Variants in BMP5 observed in about 807,000 individuals in gnomAD.
BMP5 encodes bone morphogenetic protein 5.
BMP5 carries 23 observed loss-of-function variants against 46.6 expected under a neutral mutation model. That is an observed-to-expected ratio of 0.49 (90% CI 0.35 to 0.70). BMP5 has a LOEUF of 0.70. BMP5 is among the 30% of genes least tolerant of loss of function. BMP5 has a pLI of 0.00. For synonymous variants in BMP5, 204 were observed against 191.9 expected, an observed-to-expected ratio of 1.06 and a Z score of -0.52; for missense variants, 545 against 565.6, an observed-to-expected ratio of 0.96 and a Z score of 0.37.
intron 4 of BMP5, among the ~76,000 whole-genome samples, chr6:55,770,441 G>C (rs147678163): frequency 2.6e-5 from 4 of 152,006 alleles, no homozygotes; most frequent in Non-Finnish European, 4.4e-5. Flanking sequence ...TCAGGGCTTT[G>C]CTCTGAATAA....
chr6:55,760,459 G>T lies in BMP5; in HGVS notation c.1102C>A (p.Gln368Lys). The T allele has an allele frequency of 6.2e-7, 1 of 1,612,798 alleles. No individual in the cohort carries two copies. Among genetic ancestry groups the T allele is most frequent in the Middle Eastern group, 1.6e-4 (1 of 6,062 alleles). The change falls in exon 5 of 7, where the codon CAG becomes AAG. Residue 368 changes from glutamine (Q) to lysine (K), a missense_variant and splice_region_variant. Physicochemically the swap from Gln to Lys is moderately conservative, Grantham distance 53 (BLOSUM62 1). Transcript: ENST00000370830. ...CAAAGTTGACTGAAAATTCCTACCT[G>T]CCATCCCAGATCCCGGAAGCTCACA... The part of the protein sequence containing the change: ...LYVSFRDLGW[Q>K]DWIIAPEGYA...
intron 2 of BMP5, among the ~76,000 whole-genome samples, chr6:55,814,128 T>C (rs2127536432): frequency 6.6e-6 from 1 of 152,236 alleles, no homozygotes; most frequent in East Asian, 1.9e-4. Context: ...TATTTTATTA[T>C]TACACTTCAA....
chr6:55,849,343 A>G (rs1278972271), intron 1 of BMP5, among the ~76,000 whole-genome samples: 1 of 152,076 alleles, frequency 6.6e-6, no homozygotes, highest in Non-Finnish European at 1.5e-5. Flanking sequence ...ACATGAACAT[A>G]CATATATGCA....
At chr6:55,843,199 G>T (rs977307818) in intron 1 of BMP5, among the ~76,000 whole-genome samples, 2 of 151,808 alleles carry the variant, frequency 1.3e-5, no homozygotes, top group South Asian at 2.1e-4. Flanking sequence ...CATAAGTTAG[G>T]ATATATATAT....
chr6:55,836,994 A>T (rs1045944046), intron 1 of BMP5, among the ~76,000 whole-genome samples: 1 of 152,160 alleles, frequency 6.6e-6, no homozygotes, highest in Non-Finnish European at 1.5e-5. Context: ...GCTTTTTGGT[A>T]TTGAAAGTAT....
chr6:55,774,332 G>A (rs1775120554), intron 3 of BMP5, 89 bp from the exon 4 acceptor site: 1 of 1,296,678 alleles, frequency 7.7e-7, no homozygotes, highest in South Asian at 1.2e-5. Flanking sequence ...TTGAAAAGGG[G>A]AAAAGTTTTA....
In BMP5 at chr6:55,874,350, G is replaced by A. The variant is rs749194177; in HGVS notation, c.490+26C>T. On this transcript the variant is annotated intron_variant, in intron 1 of 6. Transcript: ENST00000370830. ...AAAACTTCCACTTTGTAATAACATA[G>A]ATTAACAAACAAATGAACAACATAC... The A allele has an allele frequency of 9.9e-6, 16 of 1,612,292 alleles. No homozygotes were observed. In the Admixed American group the frequency reaches 2.3e-4, roughly 24 times the overall value.
At chr6:55,873,940 A>C (rs567434320) in intron 1 of BMP5, among the ~76,000 whole-genome samples, 5 of 151,758 alleles carry the variant, frequency 3.3e-5, no homozygotes, top group Admixed American at 1.3e-4. Flanking sequence ...TAGATGAGAG[A>C]TTTTTAAGTA....
chr6:55,811,512 CTTA>C (rs1776133531), intron 2 of BMP5, among the ~76,000 whole-genome samples: 1 of 152,138 alleles, frequency 6.6e-6, no homozygotes, highest in Admixed American at 6.5e-5. Context: ...GGATGCTATT[CTTA>C]TTAGTAGTAA....
chr6:55,819,585 G>T, intron 2 of BMP5, 70 bp downstream of exon 2: 1 of 1,257,298 alleles, frequency 8.0e-7, no homozygotes, highest in Non-Finnish European at 1.1e-6. Flanking sequence ...GATCACATGA[G>T]TTATCAATGG....
At chr6:55,793,009 G>GT (rs1775612262) in intron 3 of BMP5, among the ~76,000 whole-genome samples, 1 of 151,274 alleles carries the variant, frequency 6.6e-6, no homozygotes, top group Admixed American at 6.6e-5. Context: ...TCTCCATGAT[G>GT]TTTTTTATAA....
intron 1 of BMP5, among the ~76,000 whole-genome samples, chr6:55,820,717 GTTGTTTGTTTGTTTGT>G (rs3065793): frequency 3.3e-5 from 5 of 151,236 alleles, no homozygotes; most frequent in East Asian, 3.9e-4. Context: ...TCTGCCCCGT[GTTGTTTGTTTGTTTGT>G]TTGTTTGTTT....
At chr6:55,790,912 A>C (rs1255581957) in intron 3 of BMP5, among the ~76,000 whole-genome samples, 1 of 152,098 alleles carries the variant, frequency 6.6e-6, no homozygotes, top group Admixed American at 6.5e-5. Context: ...GTTATTTCTA[A>C]AATTAGCTAC....
chr6:55,840,960 GA>G (rs1554185196), intron 1 of BMP5, among the ~76,000 whole-genome samples: 1 of 49,810 alleles, frequency 2.0e-5, no homozygotes, highest in Non-Finnish European at 4.0e-5. Flanking sequence ...CGCACAGCAG[GA>G]GAGGAGGTAA....
intron 3 of BMP5, among the ~76,000 whole-genome samples, chr6:55,790,762 C>T (rs9396158): frequency 6.6e-6 from 1 of 152,266 alleles, no homozygotes; most frequent in East Asian, 1.9e-4. Flanking sequence ...GTATTTCTTA[C>T]GAATCTAACT....
At chr6:55,856,878 C>T (rs1459806288) in intron 1 of BMP5, among the ~76,000 whole-genome samples, 1 of 151,980 alleles carries the variant, frequency 6.6e-6, no homozygotes, top group Non-Finnish European at 1.5e-5. Context: ...TGTGTGTAGG[C>T]TATTATGCAG....
rs1262245042 is a variant in BMP5 at position 55,754,369 on chromosome 6, T to G, written c.*1164A>C. 6.6e-6 allele frequency: 1 copy of G among 151,852 alleles called. No homozygotes were observed. Among genetic ancestry groups the G allele is most frequent in the Non-Finnish European group, 1.5e-5 (1 of 67,882 alleles). The allele number at this position is 151,852 out of a possible 1,614,324, so 9.4% of individuals were successfully genotyped here. A position where few individuals can be genotyped will look rare whatever the true frequency, so the allele number is the denominator to read the frequency against. On this transcript the variant is annotated 3_prime_UTR_variant, in exon 7 of 7. Coordinates refer to ENST00000370830, the MANE Select transcript of BMP5 (RefSeq NM_021073.4). ...ACAACAGAACCTTCCTGTTTGGAAT[T>G]ATTTGTGCTTGGAAGAAGGTTTACA...
intron 4 of BMP5, among the ~76,000 whole-genome samples, chr6:55,766,709 C>T (rs977692568): frequency 1.3e-5 from 2 of 152,040 alleles, no homozygotes; most frequent in Admixed American, 1.3e-4. Flanking sequence ...ATCACTGCTC[C>T]TTATCATCAC....
intron 1 of BMP5, among the ~76,000 whole-genome samples, chr6:55,834,434 C>T (rs1776739745): frequency 6.6e-6 from 1 of 152,088 alleles, no homozygotes; most frequent in Non-Finnish European, 1.5e-5. Context: ...TGCCTTGCCT[C>T]TTATCTCTGA....
Sources: allele counts gnomAD v4.1 joint callset (sites outside exome capture counted in the v4.1 genomes callset), GRCh38; gene constraint gnomAD v4.1.1; transcripts MANE v1.5; gene names NCBI Gene and HGNC (gene_info 2026-07-23, HGNC 2026-07-21).